Variants in ITPK1 observed in about 807,000 individuals in gnomAD.
The protein encoded by ITPK1 is inositol-tetrakisphosphate 1-kinase.
ITPK1 carries 21 observed loss-of-function variants against 45.3 expected under a neutral mutation model. The observed-to-expected ratio is 0.46, with a 90% CI of 0.33 to 0.67. The LOEUF is 0.67. ITPK1 is among the 30% of genes least tolerant of loss of function. The pLI is 0.02. For synonymous variants in ITPK1, 258 were observed against 253.6 expected (o/e 1.02, Z -0.16); for missense variants, 474 against 573.5 (o/e 0.83, Z 1.77).
At chr14:93,115,551 G>A (rs1892916564) in intron 1 of ITPK1, among the ~76,000 whole-genome samples, 1 of 149,980 alleles carries the variant, frequency 6.7e-6, no homozygotes, top group Non-Finnish European at 1.5e-5. Flanking sequence ...GGGAAGCCGG[G>A]CCTCCGCAGA....
At chr14:93,062,946 G>A (rs764284074) in intron 3 of ITPK1, among the ~76,000 whole-genome samples, 5 of 152,338 alleles carry the variant, frequency 3.3e-5, no homozygotes, top group South Asian at 4.1e-4. Context: ...ATATTTGGTC[G>A]ACAGGAAAAC....
intron 3 of ITPK1, among the ~76,000 whole-genome samples, chr14:93,052,949 A>G (rs1354141499): frequency 2.2e-5 from 3 of 138,140 alleles, no homozygotes; most frequent in Non-Finnish European, 4.6e-5. Flanking sequence ...GAAGGGGAAC[A>G]TCACACACCA....
intron 4 of ITPK1, among the ~76,000 whole-genome samples, chr14:93,006,506 C>T (rs375343866): frequency 4.6e-5 from 7 of 152,340 alleles, no homozygotes; most frequent in East Asian, 1.9e-4. Flanking sequence ...ATGCAGACCC[C>T]ACTGTGTCTC....
intron 8 of ITPK1, among the ~76,000 whole-genome samples, chr14:92,952,581 C>T (rs749648965): frequency 6.6e-5 from 10 of 152,146 alleles, no homozygotes; most frequent in Non-Finnish European, 1.2e-4. Flanking sequence ...CCACAGGATC[C>T]GTCCAAGAAA....
chr14:92,979,804 G>T (rs1886128993), intron 5 of ITPK1, among the ~76,000 whole-genome samples: 1 of 150,654 alleles, frequency 6.6e-6, no homozygotes, highest in African/African-American at 2.4e-5. Context: ...TCTCAGGTAG[G>T]TTTTTTTTAA....
At position 93,115,140 on chromosome 14, in the gene ITPK1, C is replaced by G; in HGVS notation, c.24G>C (p.Lys8Asn). The change falls in exon 2 of 11, where the codon AAG (lysine) becomes AAC (asparagine). Residue 8 changes from lysine to asparagine, a missense_variant. Lys to Asn is a moderately conservative substitution (Grantham distance 94). Around this residue, in one of 2 missense-constraint regions of ITPK1, gnomAD observed 367 missense variants for 480.6 expected, o/e 0.76. Coordinates refer to ENST00000267615, the MANE Select transcript of ITPK1 (RefSeq NM_014216.6). The part of the protein sequence containing the change: MQTFLKG[K>N]RVGYWLSEKK... ...TCTCGCTCAGCCAGTAGCCAACTCT[C>G]TTCCCTTTCAGAAAGGTCTGCATCT... The G allele has an allele frequency of 1.2e-6, 2 of 1,601,444 alleles. No individual in the cohort carries two copies. The highest frequency in any genetic ancestry group is 1.7e-6 in the Non-Finnish European group (2 of 1,175,020).
At chr14:92,968,616 T>G (rs1037656475) in intron 5 of ITPK1, among the ~76,000 whole-genome samples, 4 of 152,138 alleles carry the variant, frequency 2.6e-5, no homozygotes, top group Non-Finnish European at 5.9e-5. Flanking sequence ...ACAAGACATT[T>G]TCAAAGAATG....
chr14:92,962,626 G>T, intron 6 of ITPK1, 125 bp downstream of exon 6: 1 of 819,018 alleles, frequency 1.2e-6, no homozygotes, highest in East Asian at 2.5e-5. Context: ...GTGGGACCCA[G>T]GGCCATGTGC....
chr14:92,979,721 C>A (rs1326081265), intron 5 of ITPK1, among the ~76,000 whole-genome samples: 1 of 152,094 alleles, frequency 6.6e-6, no homozygotes, highest in East Asian at 1.9e-4. Flanking sequence ...GCCTCCCTGG[C>A]CATATTTTTT....
intron 3 of ITPK1, among the ~76,000 whole-genome samples, chr14:93,049,558 A>G (rs1889921076): frequency 6.6e-6 from 1 of 152,072 alleles, no homozygotes; most frequent in African/African-American, 2.4e-5. Context: ...TTAGACTTTA[A>G]CCTAAAGACA....
intron 10 of ITPK1, 45 bp downstream of exon 10, chr14:92,946,286 A>C (rs1471782688): frequency 6.2e-7 from 1 of 1,605,992 alleles, no homozygotes; most frequent in African/African-American, 1.3e-5. Flanking sequence ...ACCTGAGGAC[A>C]GTCTCTGGAG....
In ITPK1 at chr14:93,034,243, CCCATGGCAAA is replaced by C. The variant is rs1283333478; in HGVS notation, c.121-17452_121-17443del. On this transcript the variant is annotated intron_variant, in intron 3 of 10. Transcript: ENST00000267615. This position sits in a 1 kb window ranked among gnomAD's most constrained non-coding sequence, Gnocchi z 4.1. ...ACAGCACCTGCAGCAGCCGGGGGTT[CCCATGGCAAA>C]CCACCCACCCCCAACACTCCCCCAC... Among the ~76,000 whole-genome samples, 1 of 150,510 alleles carries C rather than the reference CCCATGGCAAA, an allele frequency of 6.6e-6. No homozygotes were observed. Among genetic ancestry groups the C allele is most frequent in the African/African-American group, 2.4e-5 (1 of 40,844 alleles).
chr14:93,037,484 T>C (rs1889371135), intron 3 of ITPK1, among the ~76,000 whole-genome samples: 1 of 152,210 alleles, frequency 6.6e-6, no homozygotes, highest in Non-Finnish European at 1.5e-5. Flanking sequence ...CTTCAGGATG[T>C]AGCCCCAGGC....
chr14:93,056,425 T>C (rs1475073700), intron 3 of ITPK1, among the ~76,000 whole-genome samples: 1 of 151,704 alleles, frequency 6.6e-6, no homozygotes, highest in Non-Finnish European at 1.5e-5. Flanking sequence ...GGCAAGGGAG[T>C]CTGCATTTTT....
chr14:93,058,477 G>A (rs866119749), intron 3 of ITPK1, among the ~76,000 whole-genome samples: 7 of 24,456 alleles, frequency 2.9e-4, no homozygotes, highest in African/African-American at 1.8e-3. Flanking sequence ...GGTGGAGGGG[G>A]TGCGGGTCAC....
intron 3 of ITPK1, among the ~76,000 whole-genome samples, chr14:93,030,827 A>T (rs528302796): frequency 1.1e-3 from 162 of 152,326 alleles, no homozygotes; most frequent in African/African-American, 3.6e-3. Flanking sequence ...GTCATTCCAG[A>T]GCAGGTAGGT....
chr14:93,086,507 C>T (rs1003941049), intron 2 of ITPK1, among the ~76,000 whole-genome samples: 2 of 152,264 alleles, frequency 1.3e-5, no homozygotes, highest in African/African-American at 2.4e-5. Flanking sequence ...TTCTCTGTCA[C>T]GCACTGGGCT....
rs1053726791 is a variant in ITPK1, at chr14:93,100,539, A to G, written c.95+14530T>C. Among the ~76,000 whole-genome samples the G allele has an allele frequency of 4.8e-5, 7 of 146,314 alleles. No individual in the cohort carries two copies. In the East Asian group the frequency reaches 7.9e-4, roughly 17 times the overall value. On this transcript the variant is annotated intron_variant, in intron 2 of 10. Coordinates refer to ENST00000267615, the MANE Select transcript of ITPK1 (RefSeq NM_014216.6). The stretch of plus-strand genomic sequence containing the variant: ...AGGGGGCCGGGGGGAGAGAGGAGGG[A>G]GAGAGAGAGAGAGAGAGACAGAGAG...
rs753823916 is a variant in ITPK1 at position 93,016,761 on chromosome 14, TCCAGGGGGC to T, written c.152_160del (p.Gly51_Leu53del). 2.5e-6 allele frequency: 4 copies of T among 1,614,080 alleles called. No homozygotes were observed. The highest frequency in any genetic ancestry group is 3.4e-6 in the Non-Finnish European group (4 of 1,179,980). On this transcript the variant is annotated inframe_deletion, in exon 4 of 11. Coordinates refer to ENST00000267615, the MANE Select transcript of ITPK1 (RefSeq NM_014216.6). The surrounding 1 kb of genome is among the most constrained non-coding windows in gnomAD (Gnocchi z 5.0). ...GTCAGTCAGCTTGTGGATGATGACGTCCAGGGGGCCCTGCTCCTCGATCGGCCGGCTAAG... is the reference window on the plus strand; with the variant it reads ...GTCAGTCAGCTTGTGGATGATGACGTCCTGCTCCTCGATCGGCCGGCTAAG...
Sources: gnomAD v4.1 joint callset for allele counts (sites outside exome capture counted in the v4.1 genomes callset) on GRCh38, gnomAD v4.1.1 for gene constraint, gnomAD v4.1.1 regional missense constraint, Gnocchi (gnomAD v3.1) non-coding constraint, MANE v1.5 for transcripts, NCBI Gene and HGNC (gene_info 2026-07-23, HGNC 2026-07-21) for gene names.